Variants in CUX2 observed in about 807,000 individuals in gnomAD.
CUX2 encodes the protein cut like homeobox 2.
A neutral mutation model predicts 144.8 loss-of-function variants in CUX2; 40 were observed. That is an observed-to-expected ratio of 0.28 (90% CI 0.21 to 0.36). The LOEUF (loss-of-function observed/expected upper bound fraction) is 0.36. Ranked by LOEUF, CUX2 falls within the 10% of genes least tolerant of loss-of-function variation. CUX2 has a pLI of 1.00. For missense variants in CUX2, 1,615 were observed against 1,994.0 expected (o/e 0.81, Z 3.62); for synonymous variants, 827 against 875.6 (o/e 0.94, Z 0.98).
intron 1 of CUX2, among the ~76,000 whole-genome samples, chr12:111,078,711 A>G (rs1224101610): frequency 2.0e-5 from 3 of 152,026 alleles, no homozygotes; most frequent in African/African-American, 4.8e-5. Flanking sequence ...TTTTCTATAC[A>G]GTGCAATGGG....
chr12:111,258,812 A>G (rs1883964557), intron 3 of CUX2, among the ~76,000 whole-genome samples: 1 of 152,140 alleles, frequency 6.6e-6, no homozygotes, highest in South Asian at 2.1e-4. Context: ...CAGCCTCCTG[A>G]GTAGCTAGGA....
intron 1 of CUX2, among the ~76,000 whole-genome samples, chr12:111,118,062 C>T (rs1874406782): frequency 6.6e-6 from 1 of 152,166 alleles, no homozygotes; most frequent in South Asian, 2.1e-4. Flanking sequence ...ACATCCTTCC[C>T]CAACTCTTTC....
Position 111,171,949 on chromosome 12 carries a change from G to A in CUX2, c.64-42251G>A, listed in dbSNP as rs921769040. ...TGTGCCTGTGCCTGTGTACACGTGC[G>A]TGTGTGTGCGTGCATGTGCATGCAC... On this transcript the variant is annotated intron_variant, in intron 1 of 21. Coordinates refer to ENST00000261726, the MANE Select transcript of CUX2 (RefSeq NM_015267.4). This position sits in a 1 kb window ranked among gnomAD's most constrained non-coding sequence, Gnocchi z 5.0. 3.3e-5 allele frequency among the ~76,000 whole-genome samples: 5 copies of A among 152,092 alleles called. No individual in the cohort carries two copies. Among genetic ancestry groups the A allele is most frequent in the South Asian group, 2.1e-4 (1 of 4,820 alleles).
At chr12:111,040,363 C>T (rs1869681352) in intron 1 of CUX2, among the ~76,000 whole-genome samples, 1 of 151,978 alleles carries the variant, frequency 6.6e-6, no homozygotes, top group Non-Finnish European at 1.5e-5. Context: ...GACAGATCCC[C>T]CAGGATCTGC....
At chr12:111,296,182 C>A (rs1433304246) in intron 7 of CUX2, among the ~76,000 whole-genome samples, 1 of 152,058 alleles carries the variant, frequency 6.6e-6, no homozygotes, top group Non-Finnish European at 1.5e-5. Flanking sequence ...ACGCCTCCAC[C>A]CCCCAACCCC....
chr12:111,086,888 G>A (rs1872253276), intron 1 of CUX2, among the ~76,000 whole-genome samples: 2 of 152,030 alleles, frequency 1.3e-5, no homozygotes, highest in African/African-American at 4.8e-5. Context: ...GCAACATAGC[G>A]AGACCCCATC....
chr12:111,286,574 A>G (rs138410298), intron 4 of CUX2, among the ~76,000 whole-genome samples: 3,873 of 152,026 alleles, frequency 0.025, 171 homozygotes, highest in African/African-American at 0.087. Context: ...TATCTCTACA[A>G]AAATTAAAAA....
At chr12:111,116,620 T>G (rs1045081814) in intron 1 of CUX2, among the ~76,000 whole-genome samples, 1 of 152,104 alleles carries the variant, frequency 6.6e-6, no homozygotes, top group African/African-American at 2.4e-5. Flanking sequence ...TCAGAGCAAG[T>G]TGAGAGAGAG....
chr12:111,190,642 T>A lies in CUX2; in HGVS notation c.64-23558T>A, dbSNP rs1225383097. Among the ~76,000 whole-genome samples the A allele has an allele frequency of 6.6e-6, 1 of 152,198 alleles. No individual in the cohort carries two copies. Among genetic ancestry groups the A allele is most frequent in the African/African-American group, 2.4e-5 (1 of 41,436 alleles). On this transcript the variant is annotated intron_variant, in intron 1 of 21. Transcript: ENST00000261726. The surrounding 1 kb of genome is among the most constrained non-coding windows in gnomAD (Gnocchi z 4.0). Reference sequence around the variant, plus strand: ...GCATTTTTAGCTGATCAATAGACCCTTTGTGGCCTAACAGAGACACACCTG... The same window carrying A: ...GCATTTTTAGCTGATCAATAGACCCATTGTGGCCTAACAGAGACACACCTG...
chr12:111,131,260 C>T (rs919191339), intron 1 of CUX2, among the ~76,000 whole-genome samples: 2 of 152,150 alleles, frequency 1.3e-5, no homozygotes, highest in East Asian at 3.8e-4. Context: ...CATCAGATCT[C>T]GTGAGACTTA....
At chr12:111,108,645 T>G (rs1168156659) in intron 1 of CUX2, among the ~76,000 whole-genome samples, 1 of 151,942 alleles carries the variant, frequency 6.6e-6, no homozygotes, top group African/African-American at 2.4e-5. Context: ...CCCACTATCT[T>G]TTCTCTCTCT....
At chr12:111,189,415 C>A (rs1879745720) in intron 1 of CUX2, among the ~76,000 whole-genome samples, 1 of 152,248 alleles carries the variant, frequency 6.6e-6, no homozygotes, top group South Asian at 2.1e-4. Context: ...TTGCCAGTTT[C>A]TGTTTCTTAC....
At chr12:111,093,139 T>C (rs1360997910) in intron 1 of CUX2, among the ~76,000 whole-genome samples, 1 of 152,190 alleles carries the variant, frequency 6.6e-6, no homozygotes, top group Non-Finnish European at 1.5e-5. Context: ...TTAAGTTTCC[T>C]GCCCAAGGCC....
intron 1 of CUX2, among the ~76,000 whole-genome samples, chr12:111,078,019 A>G (rs1447707682): frequency 3.3e-5 from 5 of 152,226 alleles, no homozygotes; most frequent in Non-Finnish European, 7.3e-5. Flanking sequence ...CTCTGGGGGT[A>G]CCTGGGGTTT....
rs569698313 is a variant in CUX2 at position 111,039,587 on chromosome 12, C to T, written c.63+5347C>T. The stretch of plus-strand genomic sequence containing the variant: ...TTCAAGATGGAGTCTCGCTCTGCCA[C>T]CCAGGCTGGAGTGCAGTGGTGCAAT... On this transcript the variant is annotated intron_variant, in intron 1 of 21. Transcript: ENST00000261726. The surrounding 1 kb of genome is among the most constrained non-coding windows in gnomAD (Gnocchi z 4.2). Among the ~76,000 whole-genome samples the T allele has an allele frequency of 1.3e-5, 2 of 152,178 alleles. No homozygotes were observed. The highest frequency in any genetic ancestry group is 4.8e-5 in the African/African-American group (2 of 41,440).
chr12:111,327,034 TA>T (rs1285094229), intron 18 of CUX2, among the ~76,000 whole-genome samples: 3 of 152,172 alleles, frequency 2.0e-5, no homozygotes, highest in South Asian at 2.1e-4. Flanking sequence ...AATTCCAGAA[TA>T]TTCCCACCGC....
chr12:111,184,047 C>T (rs1160210742), intron 1 of CUX2, among the ~76,000 whole-genome samples: 2 of 152,172 alleles, frequency 1.3e-5, no homozygotes, highest in African/African-American at 4.8e-5. Context: ...CCCTCATCCT[C>T]GGCATGGCTG....
intron 21 of CUX2, among the ~76,000 whole-genome samples, chr12:111,343,855 G>A (rs1032383011): frequency 7.9e-5 from 12 of 152,332 alleles, no homozygotes; most frequent in Admixed American, 6.5e-4. Flanking sequence ...GAGGTCAGGA[G>A]CTCAAGACCA....
chr12:111,054,285 T>C (rs1275338762), intron 1 of CUX2, among the ~76,000 whole-genome samples: 1 of 152,176 alleles, frequency 6.6e-6, no homozygotes, highest in African/African-American at 2.4e-5. Flanking sequence ...TTGCAAAACC[T>C]CTGCTGAGCC....
Sources: allele counts gnomAD v4.1 joint callset (sites outside exome capture counted in the v4.1 genomes callset), GRCh38; gene constraint gnomAD v4.1.1; non-coding constraint Gnocchi (gnomAD v3.1); transcripts MANE v1.5; gene names NCBI Gene and HGNC (gene_info 2026-07-23, HGNC 2026-07-21).